KAZN: variants seen among roughly 807,000 people sequenced by gnomAD.
The protein encoded by KAZN is kazrin, periplakin interacting protein, also known as kazrin.
KAZN carries 40 observed loss-of-function variants against 87.4 expected under a neutral mutation model. The observed-to-expected ratio is 0.46, with a 90% CI of 0.36 to 0.60. KAZN has a LOEUF of 0.60. Among genes scored for constraint, KAZN ranks in the 20% least tolerant of loss-of-function variants. The pLI, the probability that KAZN is intolerant of heterozygous loss-of-function variation, is 0.00. For synonymous variants in KAZN, 466 were observed against 458.3 expected, an observed-to-expected ratio of 1.02 and a Z score of -0.22; for missense variants, 898 against 1,073.9, an observed-to-expected ratio of 0.84 and a Z score of 2.29.
intron 2 of KAZN, among the ~76,000 whole-genome samples, chr1:14,370,227 C>G (rs1441705088): frequency 6.6e-6 from 1 of 152,182 alleles, no homozygotes; most frequent in African/African-American, 2.4e-5. Flanking sequence ...ATGGGCCATC[C>G]TGGCTAGTGA....
chr1:14,340,114 A>T (rs1657577188), intron 2 of KAZN, among the ~76,000 whole-genome samples: 2 of 152,216 alleles, frequency 1.3e-5, no homozygotes, highest in African/African-American at 4.8e-5. Context: ...GAACAGAGTG[A>T]AGGGTCTTCC....
intron 1 of KAZN, among the ~76,000 whole-genome samples, chr1:14,913,771 C>G (rs1366400274): frequency 6.6e-6 from 1 of 152,296 alleles, no homozygotes; most frequent in Non-Finnish European, 1.5e-5. Flanking sequence ...AGGAGTCGCT[C>G]GGGCTGACGT....
chr1:14,240,875 A>T (rs1163440444), intron 2 of KAZN, among the ~76,000 whole-genome samples: 1 of 152,244 alleles, frequency 6.6e-6, no homozygotes, highest in East Asian at 1.9e-4. Context: ...AGGGAGTTAG[A>T]GAGGTACCAC....
chr1:14,373,248 A>G (rs1204885979), intron 2 of KAZN, among the ~76,000 whole-genome samples: 1 of 150,260 alleles, frequency 6.7e-6, no homozygotes, highest in African/African-American at 2.5e-5. Context: ...ATTATAAGGA[A>G]TTGGCAAAGG....
At chr1:14,883,417 A>AAGAAAGAAAGAG (rs1653696449) in intron 1 of KAZN, among the ~76,000 whole-genome samples, 1 of 147,880 alleles carries the variant, frequency 6.8e-6, no homozygotes, top group Non-Finnish European at 1.5e-5. Context: ...GAAAGAAAGA[A>AAGAAAGAAAGAG]AGAAAGAAAA....
exon 1 of KAZN, chr1:13,893,064 C>G (rs552382777): frequency 6.6e-6 from 1 of 152,062 alleles, no homozygotes; most frequent in Non-Finnish European, 1.5e-5. Context: ...AGCCGGACGC[C>G]TGGCGCGTGC....
intron 2 of KAZN, among the ~76,000 whole-genome samples, chr1:14,445,151 A>G (rs180840742): frequency 1.0e-3 from 152 of 151,710 alleles, no homozygotes; most frequent in African/African-American, 3.0e-3. Context: ...TCAGCCTCCC[A>G]AGTAGCTGGG....
chr1:14,859,164 G>A (rs145431971), intron 1 of KAZN, among the ~76,000 whole-genome samples: 2,154 of 150,044 alleles, frequency 0.014, 22 homozygotes, highest in Middle Eastern at 0.042. Flanking sequence ...CCGAGATTGC[G>A]CCACTGCACT....
intron 2 of KAZN, among the ~76,000 whole-genome samples, chr1:15,018,708 G>T (rs1277417051): frequency 6.6e-6 from 1 of 152,042 alleles, no homozygotes; most frequent in Non-Finnish European, 1.5e-5. Flanking sequence ...ACCGAAAGGG[G>T]GTCTGAGATC....
rs3033520 is a variant in KAZN at position 14,871,649 on chromosome 1, A to AGTGTGTGTGTGTGT, written c.227-89015_227-89002dup. On this transcript the variant is annotated intron_variant, in intron 1 of 14. Transcript: ENST00000376030. ...AGCCTGAGACATCTACATGAGCAGC[A>AGTGTGTGTGTGTGT]GTGTGTGTGTGTGTGTGTGTGTGTG... Among the ~76,000 whole-genome samples, 824 of 144,620 alleles carry AGTGTGTGTGTGTGT rather than the reference A, an allele frequency of 5.7e-3. 7 individuals are homozygous for AGTGTGTGTGTGTGT. Among genetic ancestry groups the AGTGTGTGTGTGTGT allele is most frequent in the Admixed American group, 0.011 (155 of 14,476 alleles). The allele number at this position is 144,620 out of a possible 152,430, so 94.9% of individuals were successfully genotyped here. A position where few individuals can be genotyped will look rare whatever the true frequency, so the allele number is the denominator to read the frequency against.
chr1:14,584,360 C>G (rs1284416464), intron 2 of KAZN, among the ~76,000 whole-genome samples: 1 of 152,156 alleles, frequency 6.6e-6, no homozygotes, highest in African/African-American at 2.4e-5. Context: ...GTTGTTCAAG[C>G]CTTCTCTGGG....
chr1:13,974,430 C>G (rs181392131), intron 1 of KAZN, among the ~76,000 whole-genome samples: 3 of 152,240 alleles, frequency 2.0e-5, no homozygotes, highest in East Asian at 3.9e-4. Context: ...TGAATGTGGC[C>G]TTATTTGGAC....
At chr1:14,271,180 T>A (rs2100682918) in intron 2 of KAZN, among the ~76,000 whole-genome samples, 1 of 152,292 alleles carries the variant, frequency 6.6e-6, no homozygotes, top group South Asian at 2.1e-4. Flanking sequence ...CTTCCTCTTA[T>A]GAGGACACCA....
At chr1:14,843,310 T>C (rs1482378374) in intron 1 of KAZN, among the ~76,000 whole-genome samples, 1 of 152,072 alleles carries the variant, frequency 6.6e-6, no homozygotes, top group African/African-American at 2.4e-5. Context: ...AAGGGACCCA[T>C]CTGGATGGGT....
intron 2 of KAZN, among the ~76,000 whole-genome samples, chr1:14,402,665 C>T (rs191191987): frequency 1.3e-5 from 2 of 152,064 alleles, no homozygotes; most frequent in East Asian, 1.9e-4. Context: ...GAGTAAACAT[C>T]GAAGAGTTGC....
At chr1:14,588,512 T>C (rs1385804312) in intron 2 of KAZN, among the ~76,000 whole-genome samples, 2 of 152,224 alleles carry the variant, frequency 1.3e-5, no homozygotes, top group Non-Finnish European at 2.9e-5. Context: ...CCTGCTTAGC[T>C]TCCGAAGGGA....
chr1:14,013,346 A>G (rs1207190319), intron 1 of KAZN, among the ~76,000 whole-genome samples: 1 of 152,200 alleles, frequency 6.6e-6, no homozygotes, highest in Non-Finnish European at 1.5e-5. Context: ...ACAATAGTCA[A>G]TGTTTGGATT....
At chr1:14,371,889 G>C (rs1660512621) in intron 2 of KAZN, among the ~76,000 whole-genome samples, 1 of 152,212 alleles carries the variant, frequency 6.6e-6, no homozygotes, top group African/African-American at 2.4e-5. Context: ...CGGTGAGCCT[G>C]AAATGCGCAC....
intron 2 of KAZN, among the ~76,000 whole-genome samples, chr1:14,215,943 A>G (rs1646949052): frequency 1.3e-5 from 2 of 152,216 alleles, no homozygotes; most frequent in Admixed American, 6.5e-5. Context: ...GCTAAAACAT[A>G]CTATATTTCA....
Sources: gnomAD v4.1 joint callset for allele counts (sites outside exome capture counted in the v4.1 genomes callset) on GRCh38, gnomAD v4.1.1 for gene constraint, MANE v1.5 for transcripts, NCBI Gene and HGNC (gene_info 2026-07-23, HGNC 2026-07-21) for gene names.